Variants in SLC39A1 observed in about 807,000 individuals in gnomAD.
SLC39A1 encodes the protein zinc transporter ZIP1.
Under a neutral mutation model 21.4 loss-of-function variants are expected in SLC39A1, and 17 were observed. The observed-to-expected ratio is 0.79, with a 90% CI of 0.54 to 1.19. SLC39A1 has a LOEUF of 1.19. Ranked by LOEUF, SLC39A1 falls within the 50% of genes most tolerant of loss-of-function variation. The probability of loss-of-function intolerance (pLI) is 0.00; values close to 1 mark genes in which losing one functional copy is unlikely to be tolerated. For missense variants in SLC39A1, 343 were observed against 399.8 expected (o/e 0.86, Z 1.21); for synonymous variants, 183 against 185.9 (o/e 0.98, Z 0.13).
chr1:153,962,373 G>A, intron 2 of SLC39A1, 23 bp from the exon 3 acceptor site: 1 of 1,612,074 alleles, frequency 6.2e-7, no homozygotes. Context: ...GAAGCACAGA[G>A]GGGAATAAGC....
At chr1:153,964,285 C>A, upstream of SLC39A1, 1 of 152,418 alleles carries the variant, frequency 6.6e-6, no homozygotes, top group Non-Finnish European at 1.5e-5. Context: ...GCCCAGCTCC[C>A]GCCACCCTCG....
In SLC39A1 at chr1:153,962,225, C is replaced by A; in HGVS notation, c.313G>T (p.Val105Leu). 1.9e-6 allele frequency: 3 copies of A among 1,613,932 alleles called. No individual in the cohort carries two copies. In the East Asian group the frequency reaches 6.7e-5, roughly 36 times the overall value. Residue 105 changes from valine to leucine, a missense_variant, in exon 3 of 4, where the codon GTG becomes TTG. Transcript: ENST00000356205. ...AIDEALAALH[V>L]TLQFPLQEFI... ...ATGCCCAGGCCAGTGCTCACCGTCA[C>A]GTGCAAGGCTGCCAGGGCCTCATCT... is the stretch of plus-strand genomic sequence containing the variant.
chr1:153,960,167 C>A lies in SLC39A1; in HGVS notation c.906G>T (p.Arg302Ser). Residue 302 changes from arginine to serine, a missense_variant, in exon 4 of 4, where the codon AGG becomes AGT. Arg to Ser is a moderately radical substitution (Grantham distance 110). Coordinates refer to ENST00000356205, the MANE Select transcript of SLC39A1 (RefSeq NM_001271958.2). ...CTAGGAGCAGAATGACCTTGAGGAT[C>A]CTTTGCTCAGAACTGGCCAGCTCCT... The part of the protein sequence containing the change: ...LPQELASSEQ[R>S]ILKVILLLAG... 1 of 1,614,212 alleles carries A rather than the reference C, an allele frequency of 6.2e-7. No homozygotes were observed. Among genetic ancestry groups the A allele is most frequent in the Non-Finnish European group, 8.5e-7 (1 of 1,180,026 alleles).
intron 3 of SLC39A1, among the ~76,000 whole-genome samples, chr1:153,961,692 A>G (rs758143297): frequency 6.6e-6 from 1 of 152,216 alleles, no homozygotes; most frequent in Non-Finnish European, 1.5e-5. Context: ...TTAGAGGAAA[A>G]AAGGAAAGAG....
chr1:153,962,892 G>T, intron 1 of SLC39A1, 145 bp from the exon 2 acceptor site: 1 of 548,156 alleles, frequency 1.8e-6, no homozygotes, highest in Non-Finnish European at 3.1e-6. Flanking sequence ...ATCTACTCCT[G>T]TACCAGGAAC....
At chr1:153,967,517 G>A (rs895508997), upstream of SLC39A1, 3 of 152,222 alleles carry the variant, frequency 2.0e-5, no homozygotes, top group African/African-American at 7.2e-5. Context: ...CGGACGCAGT[G>A]GCTCGCGCCT....
chr1:153,967,028 T>A (rs550533178), upstream of SLC39A1: 1 of 152,372 alleles, frequency 6.6e-6, no homozygotes, highest in Non-Finnish European at 1.5e-5. Context: ...AGAACTGTTA[T>A]GGATTAAGGA....
At position 153,959,410 on chromosome 1, in the gene SLC39A1, C is replaced by T. The variant is rs960875753; in HGVS notation, c.*688G>A. The T allele has an allele frequency of 7.5e-6, 3 of 397,384 alleles. No individual in the cohort carries two copies. The highest frequency in any genetic ancestry group is 1.3e-5 in the Non-Finnish European group (3 of 225,658). The allele number at this position is 397,384 out of a possible 1,614,324, so 24.6% of individuals were successfully genotyped here. On this transcript the variant is annotated 3_prime_UTR_variant, in exon 4 of 4. Coordinates refer to ENST00000356205, the MANE Select transcript of SLC39A1 (RefSeq NM_001271958.2). ...GCCCAGAAAATATTTCTGCCCCACC[C>T]CAGGATCCGGGACCAAAATAAAGAG... is the stretch of plus-strand genomic sequence containing the variant.
chr1:153,962,849 C>T, intron 1 of SLC39A1, 102 bp from the exon 2 acceptor site: 1 of 872,280 alleles, frequency 1.1e-6, no homozygotes, highest in East Asian at 2.8e-5. Context: ...TGGCCCCAGC[C>T]ACTTTGTGAC....
intron 1 of SLC39A1, 100 bp downstream of exon 1, chr1:153,963,395 G>A (rs1009089432): frequency 6.6e-6 from 1 of 152,330 alleles, no homozygotes; most frequent in Non-Finnish European, 1.5e-5. Context: ...AAGCGTCGCG[G>A]GAAGCAGATG....
At chr1:153,960,812 G>A in intron 3 of SLC39A1, 58 bp from the exon 4 acceptor site, 1 of 1,534,708 alleles carries the variant, frequency 6.5e-7, no homozygotes, top group Non-Finnish European at 8.8e-7. Context: ...TGCAAAATCT[G>A]GTGAAAGCCC....
In SLC39A1 at chr1:153,960,813, G is replaced by A. The variant is rs1315103241; in HGVS notation, c.319-59C>T. The A allele has an allele frequency of 6.5e-6, 10 of 1,532,770 alleles. No individual in the cohort carries two copies. In the East Asian group the frequency reaches 1.6e-4, roughly 24 times the overall value. 94.9% of individuals were successfully genotyped at this position (1,532,770 alleles called of 1,614,324 possible). A position where few individuals can be genotyped will look rare whatever the true frequency, so the allele number is the denominator to read the frequency against. The stretch of plus-strand genomic sequence containing the variant: ...AAGGAAGAGTGAGATGCAAAATCTG[G>A]TGAAAGCCCAGTTACACAGACCTAG... On this transcript the variant is annotated intron_variant, in intron 3 of 3. Coordinates refer to ENST00000356205, the MANE Select transcript of SLC39A1 (RefSeq NM_001271958.2).
At chr1:153,962,944 AG>A (rs1336227325) in intron 1 of SLC39A1, 197 bp from the exon 2 acceptor site, 1 of 454,350 alleles carries the variant, frequency 2.2e-6, no homozygotes, top group Non-Finnish European at 3.9e-6. Flanking sequence ...TGACTTATTC[AG>A]GGAGACTGCA....
upstream of SLC39A1, among the ~76,000 whole-genome samples, chr1:153,964,155 C>A (rs1305392278): frequency 6.6e-6 from 1 of 152,224 alleles, no homozygotes; most frequent in Non-Finnish European, 1.5e-5. Context: ...TGGGTGGGGA[C>A]GTGGTGGGAC....
At position 153,960,328 on chromosome 1, in the gene SLC39A1, T is replaced by G. The variant is rs948340696; in HGVS notation, c.745A>C (p.Met249Leu). 6.2e-7 allele frequency: 1 copy of G among 1,614,050 alleles called. No individual in the cohort carries two copies. Among genetic ancestry groups the G allele is most frequent in the Non-Finnish European group, 8.5e-7 (1 of 1,180,048 alleles). ...VAGCGILFSCMTPLGIGLGAA... is the reference protein window; with the variant it reads ...VAGCGILFSCLTPLGIGLGAA... ...CCCAGCCCGATGCCTAGAGGTGTCA[T>G]GCATGAGAAGAGGATCCCACAGCCA... The change falls in exon 4 of 4, where the codon ATG becomes CTG. Residue 249 changes from methionine (M) to leucine (L), a missense_variant. Physicochemically the swap from Met to Leu is conservative, Grantham distance 15. Transcript: ENST00000356205.
chr1:153,966,504 G>A (rs1383127023), upstream of SLC39A1: 3 of 152,170 alleles, frequency 2.0e-5, no homozygotes, highest in Non-Finnish European at 4.4e-5. Context: ...TTAGCTGGGC[G>A]CCTGTAGTCC....
rs371161828 is a variant in SLC39A1, at chr1:153,960,215, G to A, written c.858C>T (p.Ile286=). The part of the protein sequence containing the change: ...EGMAAGTFLY[I]TFLEILPQEL... ...CCTGGGGCAGGATTTCCAGAAAGGTGATATAGAGAAAGGTGCCAGCTGCCA... is the reference window on the plus strand; with the variant it reads ...CCTGGGGCAGGATTTCCAGAAAGGTAATATAGAGAAAGGTGCCAGCTGCCA... Residue 286 remains isoleucine (I), a synonymous_variant, in exon 4 of 4, where the codon ATC becomes ATT. Coordinates refer to ENST00000356205, the MANE Select transcript of SLC39A1 (RefSeq NM_001271958.2). 1.3e-5 allele frequency: 21 copies of A among 1,614,120 alleles called. No individual in the cohort carries two copies. In the East Asian group the frequency reaches 1.6e-4, roughly 12 times the overall value.
In SLC39A1 at chr1:153,960,081, C is replaced by T. The variant is rs747461078; in HGVS notation, c.*17G>A. On this transcript the variant is annotated 3_prime_UTR_variant, in exon 4 of 4. Coordinates refer to ENST00000356205, the MANE Select transcript of SLC39A1 (RefSeq NM_001271958.2). The stretch of plus-strand genomic sequence containing the variant: ...GCACCTGATCATCAATCTCCCCTGC[C>T]CCTCTCTTGAAGCCCCCTAGATTTG... 4 of 1,581,318 alleles carry T rather than the reference C, an allele frequency of 2.5e-6. No homozygotes were observed. In the East Asian group the frequency reaches 6.7e-5, roughly 27 times the overall value.
At chr1:153,967,524 G>C (rs1647876842), upstream of SLC39A1, 1 of 152,178 alleles carries the variant, frequency 6.6e-6, no homozygotes, top group South Asian at 2.1e-4. Context: ...AGTGGCTCGC[G>C]CCTGTGGTCC....
Sources: gnomAD v4.1 joint callset for allele counts (sites outside exome capture counted in the v4.1 genomes callset) on GRCh38, gnomAD v4.1.1 for gene constraint, MANE v1.5 for transcripts, NCBI Gene and HGNC (gene_info 2026-07-23, HGNC 2026-07-21) for gene names.